Variants in MYCBP2 observed in about 807,000 individuals in gnomAD.
MYCBP2 encodes the protein E3 ubiquitin-protein ligase MYCBP2.
Under a neutral mutation model 525.3 loss-of-function variants are expected in MYCBP2, and 120 were observed. The ratio of observed to expected loss-of-function variants is 0.23; its 90% CI spans 0.20 to 0.27. The LOEUF (loss-of-function observed/expected upper bound fraction) is 0.27. Among genes scored for constraint, MYCBP2 ranks in the 10% least tolerant of loss-of-function variants. The pLI, the probability that MYCBP2 is intolerant of heterozygous loss-of-function variation, is 1.00. For synonymous variants in MYCBP2, 1,894 were observed against 1,955.8 expected (o/e 0.97, Z 0.83); for missense variants, 4,149 against 5,657.1 (o/e 0.73, Z 8.55).
Position 77,317,187 on chromosome 13 carries a change from C to T in MYCBP2, c.302+9287G>A, listed in dbSNP as rs537254729. 2.6e-5 allele frequency among the ~76,000 whole-genome samples: 4 copies of T among 152,266 alleles called. No individual in the cohort carries two copies. In the East Asian group the frequency reaches 5.8e-4, roughly 22 times the overall value. ...AGCTGGTTTCGAACTCCTGACTTCA[C>T]GTGATCCACTCATCTCGGCCTCCCA... On this transcript the variant is annotated intron_variant, in intron 1 of 82. Coordinates refer to ENST00000544440, the MANE Select transcript of MYCBP2 (RefSeq NM_015057.5).
In MYCBP2 at chr13:77,067,751, T is replaced by C; in HGVS notation, c.12285A>G (p.Thr4095=). The C allele has an allele frequency of 6.2e-7, 1 of 1,614,134 alleles. No individual in the cohort carries two copies. The highest frequency in any genetic ancestry group is 8.5e-7 in the Non-Finnish European group (1 of 1,180,010). The part of the protein sequence containing the change: ...PADISDIIHS[T]EKGDWNKLGI... ...CCAGCTTATTCCAGTCTCCTTTCTCTGTTGAGTGAATGATATCACTGATAT... is the reference window on the plus strand; with the variant it reads ...CCAGCTTATTCCAGTCTCCTTTCTCCGTTGAGTGAATGATATCACTGATAT... Residue 4095 remains threonine (T), a synonymous_variant, in exon 71 of 83, where the codon ACA becomes ACG. Coordinates refer to ENST00000544440, the MANE Select transcript of MYCBP2 (RefSeq NM_015057.5).
At position 77,082,054 on chromosome 13, in the gene MYCBP2, CT is replaced by C. The variant is rs2043390365; in HGVS notation, c.11037-62del. ...TTATTTTCCAGGAACATCTAAGGAACTCTTAGATGAGTACTCTGTAGCTAAT... is the reference window on the plus strand; with the variant it reads ...TTATTTTCCAGGAACATCTAAGGAACCTTAGATGAGTACTCTGTAGCTAAT... On this transcript the variant is annotated intron_variant, in intron 63 of 82. Coordinates refer to ENST00000544440, the MANE Select transcript of MYCBP2 (RefSeq NM_015057.5). 4 of 1,430,758 alleles carry C rather than the reference CT, an allele frequency of 2.8e-6. No homozygotes were observed. In the South Asian group the frequency reaches 3.8e-5, roughly 14 times the overall value. The allele number at this position is 1,430,758 out of a possible 1,614,324, so 88.6% of individuals were successfully genotyped here. A position where few individuals can be genotyped will look rare whatever the true frequency, so the allele number is the denominator to read the frequency against.
chr13:77,082,665 C>T (rs2043498914), intron 63 of MYCBP2, among the ~76,000 whole-genome samples: 1 of 152,080 alleles, frequency 6.6e-6, no homozygotes. Context: ...GCTCTGTTTT[C>T]CCCAAGATTC....
intron 44 of MYCBP2, 35 bp downstream of exon 44, chr13:77,161,871 T>C: frequency 1.3e-6 from 2 of 1,542,664 alleles, no homozygotes; most frequent in Non-Finnish European, 1.8e-6. Flanking sequence ...TAAATTAATG[T>C]ACAAAGTTTA....
intron 68 of MYCBP2, among the ~76,000 whole-genome samples, chr13:77,072,300 G>GAAAAAAAAAAAAAAAAAAAAAAA (rs56238720): frequency 8.3e-6 from 1 of 121,192 alleles, no homozygotes; most frequent in Non-Finnish European, 1.7e-5. Context: ...CAAAAAAAAA[G>GAAAAAAAAAAAAAAAAAAAAAAA]AAAAAAAAAA....
In MYCBP2 at chr13:77,044,732, T is replaced by C. The variant is rs1393482542; in HGVS notation, c.*646A>G. On this transcript the variant is annotated 3_prime_UTR_variant, in exon 83 of 83. Coordinates refer to ENST00000544440, the MANE Select transcript of MYCBP2 (RefSeq NM_015057.5). ...TTCCAATATGTTTACAGCTGCAAGATAATGAGGCACACTCAGTATTGCACT... is the reference window on the plus strand; with the variant it reads ...TTCCAATATGTTTACAGCTGCAAGACAATGAGGCACACTCAGTATTGCACT... 1 of 398,618 alleles carries C rather than the reference T, an allele frequency of 2.5e-6. No individual in the cohort carries two copies. Among genetic ancestry groups the C allele is most frequent in the East Asian group, 3.6e-5 (1 of 27,990 alleles). 24.7% of individuals were successfully genotyped at this position (398,618 alleles called of 1,614,324 possible).
At chr13:77,311,069 T>C (rs1263624441) in intron 1 of MYCBP2, among the ~76,000 whole-genome samples, 2 of 152,248 alleles carry the variant, frequency 1.3e-5, no homozygotes, top group Non-Finnish European at 2.9e-5. Flanking sequence ...TTTCCCAGTT[T>C]GGTTGTTTTT....
Position 77,058,726 on chromosome 13 carries a change from C to T in MYCBP2, c.13141-320G>A, listed in dbSNP as rs2038668958. On this transcript the variant is annotated intron_variant, in intron 77 of 82. Coordinates refer to ENST00000544440, the MANE Select transcript of MYCBP2 (RefSeq NM_015057.5). The surrounding 1 kb of genome is among the most constrained non-coding windows in gnomAD (Gnocchi z 4.1). Reference sequence around the variant, plus strand: ...TCCTGGCTGGGAGTCGTGGCTTACACCTGTAATCCCAGCACTTTGGGAGGC... The same window carrying T: ...TCCTGGCTGGGAGTCGTGGCTTACATCTGTAATCCCAGCACTTTGGGAGGC... 6.6e-6 allele frequency among the ~76,000 whole-genome samples: 1 copy of T among 152,100 alleles called. No individual in the cohort carries two copies. Among genetic ancestry groups the T allele is most frequent in the Non-Finnish European group, 1.5e-5 (1 of 68,018 alleles).
chr13:77,062,449 T>C, intron 74 of MYCBP2, 147 bp downstream of exon 74: 7 of 668,156 alleles, frequency 1.0e-5, no homozygotes, highest in Non-Finnish European at 1.8e-5. Flanking sequence ...ACTTGTGAGA[T>C]GAACTTGGCC....
At chr13:77,234,116 A>G (rs1006193145) in intron 17 of MYCBP2, among the ~76,000 whole-genome samples, 2 of 151,954 alleles carry the variant, frequency 1.3e-5, no homozygotes, top group Non-Finnish European at 2.9e-5. Context: ...AAAATAAATC[A>G]TTTTTCCCAT....
chr13:77,174,611 T>A (rs1337034770), intron 36 of MYCBP2, 122 bp from the exon 37 acceptor site: 1 of 724,206 alleles, frequency 1.4e-6, no homozygotes, highest in Non-Finnish European at 2.2e-6. Flanking sequence ...GATGATATAA[T>A]TAAATAAGTT....
At chr13:77,186,802 A>ATTT (rs5804893) in intron 30 of MYCBP2, among the ~76,000 whole-genome samples, 39 of 120,442 alleles carry the variant, frequency 3.2e-4, no homozygotes, top group Non-Finnish European at 4.4e-4. Context: ...TATAGATTCA[A>ATTT]TTTTTTTTTT....
At chr13:77,200,652 G>A (rs904260886) in intron 26 of MYCBP2, among the ~76,000 whole-genome samples, 10 of 152,216 alleles carry the variant, frequency 6.6e-5, no homozygotes, top group African/African-American at 2.2e-4. Context: ...GAAAGGTCGG[G>A]TTACCCTCAA....
chr13:77,162,317 C>T (rs1025694064), intron 43 of MYCBP2, among the ~76,000 whole-genome samples: 1 of 152,156 alleles, frequency 6.6e-6, no homozygotes, highest in African/African-American at 2.4e-5. Context: ...GGTTGCCTTA[C>T]AGAAGAGCTA....
intron 2 of MYCBP2, among the ~76,000 whole-genome samples, chr13:77,293,336 T>C (rs946061819): frequency 3.9e-5 from 6 of 152,300 alleles, no homozygotes; most frequent in South Asian, 2.1e-4. Flanking sequence ...ATACTTGAGA[T>C]TGATGATCAT....
rs2038649640 is a variant in MYCBP2, at chr13:77,058,631, A to G, written c.13141-225T>C. 6.6e-6 allele frequency among the ~76,000 whole-genome samples: 1 copy of G among 151,960 alleles called. No homozygotes were observed. Among genetic ancestry groups the G allele is most frequent in the Admixed American group, 6.6e-5 (1 of 15,254 alleles). ...CGATTTTTAAAAAATGCCACTCTCTATAAAGGGAATGCTGATAAGTGAATT... is the reference window on the plus strand; with the variant it reads ...CGATTTTTAAAAAATGCCACTCTCTGTAAAGGGAATGCTGATAAGTGAATT... On this transcript the variant is annotated intron_variant, in intron 77 of 82. Coordinates refer to ENST00000544440, the MANE Select transcript of MYCBP2 (RefSeq NM_015057.5). The surrounding 1 kb of genome is among the most constrained non-coding windows in gnomAD (Gnocchi z 4.1).
intron 23 of MYCBP2, among the ~76,000 whole-genome samples, chr13:77,207,415 A>G (rs1329023722): frequency 6.6e-6 from 1 of 152,156 alleles, no homozygotes; most frequent in East Asian, 1.9e-4. Context: ...ACTTCAAAAA[A>G]CTATCTCCAC....
rs2040152732 is a variant in MYCBP2 at position 77,066,065 on chromosome 13, T to G, written c.12479A>C (p.His4160Pro). The change falls in exon 72 of 83, where the codon CAT becomes CCT. Residue 4160 changes from histidine (H) to proline (P), a missense_variant. His to Pro is a moderately conservative substitution (Grantham distance 77, BLOSUM62 -2). Around this residue, in one of 21 missense-constraint regions of MYCBP2, gnomAD observed 148 missense variants for 179.4 expected, o/e 0.82. Transcript: ENST00000544440. The stretch of plus-strand genomic sequence containing the variant: ...AGGGGTTGAGCCCTTCATCCACCAA[T>G]GACTTTCACCTCGTCGGAGATAACT... ...NSSYLRRGES[H>P]WWMKGSTPTQ... 6.2e-7 allele frequency: 1 copy of G among 1,613,118 alleles called. No individual in the cohort carries two copies. Among genetic ancestry groups the G allele is most frequent in the East Asian group, 2.2e-5 (1 of 44,842 alleles).
rs762034683 is a variant in MYCBP2 at position 77,257,824 on chromosome 13, C to T, written c.2023G>A (p.Val675Ile). The T allele has an allele frequency of 5.0e-6, 8 of 1,604,098 alleles. No homozygotes were observed. The South Asian group carries it at 7.9e-5, about 16-fold the overall frequency. ...ACAAAATGGCCCTTCAAATCAGTTA[C>T]CAAACCTATAGGAAAGAAACAAATT... ...DAIYSDSSSL[V>I]TDLKGHFVTQ... The change falls in exon 14 of 83, where the codon GTA becomes ATA. Residue 675 changes from valine to isoleucine, a missense_variant. Around this residue, in one of 21 missense-constraint regions of MYCBP2, gnomAD observed 262 missense variants for 419.3 expected, o/e 0.62. Transcript: ENST00000544440.
Sources: gnomAD v4.1 joint callset for allele counts (sites outside exome capture counted in the v4.1 genomes callset) on GRCh38, gnomAD v4.1.1 for gene constraint, gnomAD v4.1.1 regional missense constraint, Gnocchi (gnomAD v3.1) non-coding constraint, MANE v1.5 for transcripts, NCBI Gene and HGNC (gene_info 2026-07-23, HGNC 2026-07-21) for gene names.